The following ZNF385D variants were observed in gnomAD, a reference collection of about 807,000 sequenced individuals.
ZNF385D encodes the protein zinc finger protein 385D, also known as zinc finger protein 659.
In ZNF385D, 15 loss-of-function variants were observed where a neutral mutation model predicts 35.8. The ratio of observed to expected loss-of-function variants is 0.42; its 90% CI spans 0.28 to 0.64. ZNF385D has a LOEUF of 0.64. ZNF385D is among the 30% of genes least tolerant of loss of function. The pLI, the probability that ZNF385D is intolerant of heterozygous loss-of-function variation, is 0.23. For synonymous variants in ZNF385D, 212 were observed against 186.8 expected (o/e 1.13, Z -1.10); for missense variants, 474 against 494.6 (o/e 0.96, Z 0.39).
chr3:22,310,670 C>A (rs1208208677), intron 2 of ZNF385D, among the ~76,000 whole-genome samples: 1 of 151,756 alleles, frequency 6.6e-6, no homozygotes, highest in African/African-American at 2.4e-5. Flanking sequence ...TTTATCAGTT[C>A]TCTTTCTTGT....
At chr3:22,097,797 G>C (rs1179605899) in intron 3 of ZNF385D, among the ~76,000 whole-genome samples, 1 of 151,994 alleles carries the variant, frequency 6.6e-6, no homozygotes, top group Non-Finnish European at 1.5e-5. Flanking sequence ...TGGGCACTAG[G>C]AACCACATTT....
At chr3:21,743,721 T>C (rs2069629975) in intron 1 of ZNF385D, among the ~76,000 whole-genome samples, 1 of 152,154 alleles carries the variant, frequency 6.6e-6, no homozygotes, top group Non-Finnish European at 1.5e-5. Flanking sequence ...CTCCATACTA[T>C]CATATTAGGA....
chr3:22,139,516 C>G (rs1704362872), intron 3 of ZNF385D, among the ~76,000 whole-genome samples: 1 of 150,622 alleles, frequency 6.6e-6, no homozygotes, highest in Non-Finnish European at 1.5e-5. Context: ...ATTGCAAGGA[C>G]AACAAACCAA....
intron 1 of ZNF385D, among the ~76,000 whole-genome samples, chr3:21,697,557 G>A (rs1010204414): frequency 6.6e-6 from 1 of 151,980 alleles, no homozygotes; most frequent in Non-Finnish European, 1.5e-5. Flanking sequence ...TGGTCCATTT[G>A]TAACTAAGTA....
intron 1 of ZNF385D, among the ~76,000 whole-genome samples, chr3:21,708,301 T>C (rs1181880259): frequency 6.6e-6 from 1 of 152,232 alleles, no homozygotes; most frequent in Admixed American, 6.5e-5. Flanking sequence ...GCAAGCAGTA[T>C]TTCATGTAAC....
At chr3:21,510,123 A>G (rs552141131) in intron 4 of ZNF385D, among the ~76,000 whole-genome samples, 102 of 152,336 alleles carry the variant, frequency 6.7e-4, no homozygotes, top group African/African-American at 2.3e-3. Flanking sequence ...AGGTATATCC[A>G]TGAATCACAG....
intron 2 of ZNF385D, among the ~76,000 whole-genome samples, chr3:21,608,490 TATA>T (rs1313303805): frequency 2.6e-5 from 4 of 152,306 alleles, no homozygotes; most frequent in Admixed American, 6.5e-5. Context: ...TTTGCATCAG[TATA>T]ATATCAAACA....
intron 3 of ZNF385D, among the ~76,000 whole-genome samples, chr3:22,120,196 C>G (rs143734823): frequency 4.6e-5 from 7 of 152,068 alleles, no homozygotes; most frequent in African/African-American, 1.4e-4. Context: ...GCTGCCACAA[C>G]AAAATACCAC....
At chr3:22,308,814 G>T (rs957054052) in intron 2 of ZNF385D, among the ~76,000 whole-genome samples, 1 of 152,028 alleles carries the variant, frequency 6.6e-6, no homozygotes, top group African/African-American at 2.4e-5. Flanking sequence ...TATGAATTTG[G>T]ATCTGCTCCG....
chr3:21,506,065 G>A (rs1706751033), intron 4 of ZNF385D, among the ~76,000 whole-genome samples: 1 of 152,118 alleles, frequency 6.6e-6, no homozygotes, highest in African/African-American at 2.4e-5. Flanking sequence ...AAATTTGTAG[G>A]TCTAGTGATT....
chr3:21,701,435 C>T (rs980099015), intron 1 of ZNF385D, among the ~76,000 whole-genome samples: 1 of 152,046 alleles, frequency 6.6e-6, no homozygotes, highest in Admixed American at 6.6e-5. Flanking sequence ...CCCCTGGGTC[C>T]CTCCCACAAC....
rs115906796 is a variant in ZNF385D at position 21,699,793 on chromosome 3, G to C, written c.23-34765C>G. 7.5e-3 allele frequency among the ~76,000 whole-genome samples: 1,052 copies of C among 141,012 alleles called. 7 individuals carry two copies. Among genetic ancestry groups the C allele is most frequent in the African/African-American group, 0.026 (981 of 38,156 alleles). The allele number at this position is 141,012 out of a possible 152,430, so 92.5% of individuals were successfully genotyped here. On this transcript the variant is annotated intron_variant, in intron 1 of 7. Transcript: ENST00000281523. ...AAATTTAAAATTACATATGTGACTT[G>C]CATTTGTGGTTCATGTTATGTTTCT...
intron 2 of ZNF385D, among the ~76,000 whole-genome samples, chr3:21,578,442 ATAGAGT>A (rs2063556952): frequency 1.3e-5 from 2 of 152,114 alleles, no homozygotes; most frequent in South Asian, 4.1e-4. Flanking sequence ...TTTACTTCTA[ATAGAGT>A]TATAGTTTTG....
chr3:22,146,644 T>G (rs1187851100), intron 3 of ZNF385D, among the ~76,000 whole-genome samples: 1 of 152,192 alleles, frequency 6.6e-6, no homozygotes, highest in African/African-American at 2.4e-5. Flanking sequence ...CTCTAATATT[T>G]GTAAAATCAA....
chr3:21,430,243 G>GA (rs200009515), intron 5 of ZNF385D, among the ~76,000 whole-genome samples: 4,011 of 148,076 alleles, frequency 0.027, 142 homozygotes, highest in Admixed American at 0.091. Context: ...CCCCAAATAA[G>GA]AAAAAAAAAA....
rs568396209 is a variant in ZNF385D at position 22,243,927 on chromosome 3, A to C, written c.107-74892T>G. On this transcript the variant is annotated intron_variant, in intron 2 of 5. Coordinates refer to the ZNF385D transcript ENST00000494108. ...AGGATACAGGAAAGAGCACCTTTGA[A>C]ATTTACCCATTATATATTTCTATTA... 8.8e-4 allele frequency among the ~76,000 whole-genome samples: 133 copies of C among 150,862 alleles called. 3 individuals carry two copies. Among genetic ancestry groups the C allele is most frequent in the African/African-American group, 3.0e-3 (121 of 40,810 alleles).
intron 2 of ZNF385D, among the ~76,000 whole-genome samples, chr3:22,228,663 T>C (rs1559465867): frequency 6.6e-6 from 1 of 152,220 alleles, no homozygotes; most frequent in East Asian, 1.9e-4. Flanking sequence ...TGTTCCTGGG[T>C]GGGTCTGTGA....
chr3:21,958,914 T>A (rs1172303922), intron 3 of ZNF385D: 2 of 152,142 alleles, frequency 1.3e-5, no homozygotes, highest in Non-Finnish European at 2.9e-5. Context: ...TGTATTACAT[T>A]TTATGCCAGG....
chr3:21,555,959 A>T lies in ZNF385D; in HGVS notation c.276+8615T>A, dbSNP rs9854777. ...GGTTTTGATTTGCATTTCTCTAGTGACCAGTGATGATGAGCTTTTTTTCCA... is the reference window on the plus strand; with the variant it reads ...GGTTTTGATTTGCATTTCTCTAGTGTCCAGTGATGATGAGCTTTTTTTCCA... On this transcript the variant is annotated intron_variant, in intron 3 of 7. Coordinates refer to ENST00000281523, the MANE Select transcript of ZNF385D (RefSeq NM_024697.3). Among the ~76,000 whole-genome samples, 594 of 151,780 alleles carry T rather than the reference A, an allele frequency of 3.9e-3. 4 individuals carry two copies. Among genetic ancestry groups the T allele is most frequent in the African/African-American group, 0.013 (551 of 41,390 alleles).
Sources: allele counts gnomAD v4.1 joint callset (sites outside exome capture counted in the v4.1 genomes callset), GRCh38; gene constraint gnomAD v4.1.1; transcripts MANE v1.5; gene names NCBI Gene and HGNC (gene_info 2026-07-23, HGNC 2026-07-21).